AKT3: variants seen among roughly 807,000 people sequenced by gnomAD.
AKT3 encodes AKT serine/threonine kinase 3, also known as RAC-gamma serine/threonine-protein kinase.
In AKT3, 15 loss-of-function variants were observed where a neutral mutation model predicts 65.3. That is an observed-to-expected ratio of 0.23 (90% confidence interval 0.15 to 0.35). The LOEUF (loss-of-function observed/expected upper bound fraction) is 0.35. Ranked by LOEUF, AKT3 falls within the 10% of genes least tolerant of loss-of-function variation. The pLI, the probability that AKT3 is intolerant of heterozygous loss-of-function variation, is 1.00. For synonymous variants in AKT3, 206 were observed against 183.8 expected, an observed-to-expected ratio of 1.12 and a Z score of -0.98; for missense variants, 243 against 576.5, an observed-to-expected ratio of 0.42 and a Z score of 5.92.
chr1:243,555,095 C>T (rs958879166), intron 10 of AKT3, among the ~76,000 whole-genome samples: 6 of 152,064 alleles, frequency 3.9e-5, no homozygotes, highest in East Asian at 3.8e-4. Flanking sequence ...TCTGAACATA[C>T]GTGCCTTAAT....
intron 2 of AKT3, among the ~76,000 whole-genome samples, chr1:243,771,031 C>T (rs955718191): frequency 3.3e-5 from 5 of 152,058 alleles, no homozygotes; most frequent in African/African-American, 1.2e-4. Context: ...AAGGAAGAGG[C>T]TAGATGTTCA....
intron 10 of AKT3, among the ~76,000 whole-genome samples, chr1:243,554,400 A>C (rs146661122): frequency 1.3e-5 from 2 of 152,344 alleles, no homozygotes; most frequent in African/African-American, 2.4e-5. Flanking sequence ...CTAACAAAAA[A>C]ACATTTTCTG....
chr1:243,664,185 C>CTTTT (rs34578718), intron 4 of AKT3, among the ~76,000 whole-genome samples: 6 of 60,008 alleles, frequency 1.0e-4, no homozygotes, highest in African/African-American at 1.2e-4. Context: ...ATAAAAATGT[C>CTTTT]TTTTTTTTTT....
At chr1:243,721,972 T>C (rs1183756086) in intron 2 of AKT3, among the ~76,000 whole-genome samples, 3 of 152,174 alleles carry the variant, frequency 2.0e-5, no homozygotes, top group Non-Finnish European at 4.4e-5. Flanking sequence ...TCAACTTTTA[T>C]AGCAGATTTA....
chr1:243,607,539 T>C (rs1677519647), intron 8 of AKT3, among the ~76,000 whole-genome samples: 4 of 152,228 alleles, frequency 2.6e-5, no homozygotes, highest in African/African-American at 7.2e-5. Flanking sequence ...CCATTGTATC[T>C]AGGAAGTAAC....
intron 2 of AKT3, among the ~76,000 whole-genome samples, chr1:243,706,159 A>G (rs1463544137): frequency 6.6e-6 from 1 of 152,192 alleles, no homozygotes; most frequent in Admixed American, 6.5e-5. Context: ...ACTACCACAG[A>G]GGTGGGCAAT....
intron 2 of AKT3, among the ~76,000 whole-genome samples, chr1:243,713,936 G>A (rs1234839678): frequency 2.6e-5 from 4 of 151,840 alleles, no homozygotes; most frequent in Non-Finnish European, 4.4e-5. Context: ...AAAAAAGTCC[G>A]ACAGCCTCTA....
rs1275793561 is a variant in AKT3, at chr1:243,499,755, G to C, written c.*5494C>G. 3.1e-6 allele frequency: 5 copies of C among 1,611,032 alleles called. No individual in the cohort carries two copies. Among genetic ancestry groups the C allele is most frequent in the Non-Finnish European group, 4.2e-6 (5 of 1,177,550 alleles). Reference sequence around the variant, plus strand: ...AACTTACTTTTTATTATTTTTTCCAGTTACCCAGCATGCCACAATCTGATT... The same window carrying C: ...AACTTACTTTTTATTATTTTTTCCACTTACCCAGCATGCCACAATCTGATT... On this transcript the variant is annotated 3_prime_UTR_variant, in exon 14 of 14. Transcript: ENST00000673466.
chr1:243,732,771 T>G (rs907203993), intron 2 of AKT3, among the ~76,000 whole-genome samples: 1 of 152,174 alleles, frequency 6.6e-6, no homozygotes, highest in Non-Finnish European at 1.5e-5. Flanking sequence ...CAAGCACTTG[T>G]TGCCTCTTTC....
intron 2 of AKT3, among the ~76,000 whole-genome samples, chr1:243,721,373 G>C (rs1686893980): frequency 1.3e-5 from 2 of 152,120 alleles, no homozygotes; most frequent in African/African-American, 4.8e-5. Context: ...ATTAATATTA[G>C]ATCATAACCT....
chr1:243,840,152 C>T (rs1017267164), intron 2 of AKT3, among the ~76,000 whole-genome samples: 1 of 151,994 alleles, frequency 6.6e-6, no homozygotes, highest in Non-Finnish European at 1.5e-5. Flanking sequence ...GCCTGGGTGA[C>T]AGAACGAGAC....
At chr1:243,493,276 T>G (rs551250588) in intron 13 of AKT3, among the ~76,000 whole-genome samples, 261 of 151,962 alleles carry the variant, frequency 1.7e-3, no homozygotes, top group Middle Eastern at 0.01. Flanking sequence ...CAGGGGAGTT[T>G]GGGCAGGGCC....
intron 8 of AKT3, among the ~76,000 whole-genome samples, chr1:243,589,026 G>A (rs986325040): frequency 1.3e-5 from 2 of 151,832 alleles, no homozygotes; most frequent in Non-Finnish European, 2.9e-5. Flanking sequence ...TACAAAACTC[G>A]GCTGGGCACA....
intron 8 of AKT3, among the ~76,000 whole-genome samples, chr1:243,588,157 T>C (rs1675937398): frequency 6.6e-6 from 1 of 152,162 alleles, no homozygotes; most frequent in Non-Finnish European, 1.5e-5. Context: ...GTAGATGGCA[T>C]TTGCAGGACA....
intron 12 of AKT3, among the ~76,000 whole-genome samples, chr1:243,544,861 G>T (rs1004200764): frequency 3.3e-5 from 5 of 151,076 alleles, no homozygotes; most frequent in Admixed American, 2.6e-4. Context: ...ACGCCCAGTT[G>T]ATTTTTTTTT....
rs1173282671 is a variant in AKT3 at position 243,501,506 on chromosome 1, TGA to T, written c.*3741_*3742del. 2 of 233,164 alleles carry T rather than the reference TGA, an allele frequency of 8.6e-6. No individual in the cohort carries two copies. The highest frequency in any genetic ancestry group is 1.7e-5 in the Non-Finnish European group (2 of 118,050). The allele number at this position is 233,164 out of a possible 1,614,324, so 14.4% of individuals were successfully genotyped here. A position where few individuals can be genotyped will look rare whatever the true frequency, so the allele number is the denominator to read the frequency against. ...AGTACATCCATCCTAAATCCAGTGC[TGA>T]GAGGTCAGCGTTTCCCCTCAGAAGC... On this transcript the variant is annotated 3_prime_UTR_variant, in exon 14 of 14. Coordinates refer to ENST00000673466, the MANE Select transcript of AKT3 (RefSeq NM_005465.7).
downstream of AKT3, among the ~76,000 whole-genome samples, chr1:243,497,137 A>G (rs1191691278): frequency 2.0e-5 from 3 of 152,212 alleles, no homozygotes; most frequent in Non-Finnish European, 4.4e-5. Context: ...CTTCCTGGAA[A>G]TAAGCATCGT....
At chr1:243,716,743 G>A (rs1686535665) in intron 2 of AKT3, among the ~76,000 whole-genome samples, 1 of 152,164 alleles carries the variant, frequency 6.6e-6, no homozygotes, top group Non-Finnish European at 1.5e-5. Flanking sequence ...AGAACGAAAA[G>A]AGGAGAGGTC....
At chr1:243,540,300 T>G (rs1174294614) in intron 12 of AKT3, among the ~76,000 whole-genome samples, 4 of 152,124 alleles carry the variant, frequency 2.6e-5, no homozygotes, top group Admixed American at 2.0e-4. Flanking sequence ...GGAAAATCAA[T>G]GTTAATTCAC....
Sources: allele counts gnomAD v4.1 joint callset (sites outside exome capture counted in the v4.1 genomes callset), GRCh38; gene constraint gnomAD v4.1.1; transcripts MANE v1.5; gene names NCBI Gene and HGNC (gene_info 2026-07-23, HGNC 2026-07-21).